Variants in WDTC1 observed in about 807,000 individuals in gnomAD.
WDTC1 encodes the protein WD and tetratricopeptide repeats protein 1.
Under a neutral mutation model 76.0 loss-of-function variants are expected in WDTC1, and 12 were observed. The ratio of observed to expected loss-of-function variants is 0.16; its 90% CI spans 0.10 to 0.26. The LOEUF is 0.26. Ranked by LOEUF, WDTC1 falls within the 10% of genes least tolerant of loss-of-function variation. WDTC1 has a pLI of 1.00. For missense variants in WDTC1, 511 were observed against 908.8 expected (o/e 0.56, Z 5.63); for synonymous variants, 326 against 350.8 (o/e 0.93, Z 0.79).
At chr1:27,234,509 G>T (rs372257713), upstream of WDTC1, 2 of 353,418 alleles carry the variant, frequency 5.7e-6, no homozygotes, top group South Asian at 1.5e-4. Context: ...ACCGGGCGCG[G>T]GGGGGTAAGT....
At chr1:27,292,141 A>C in intron 6 of WDTC1, 74 bp from the exon 7 acceptor site, 2 of 1,395,780 alleles carry the variant, frequency 1.4e-6, no homozygotes, top group Non-Finnish European at 1.9e-6. Flanking sequence ...TTGCATAACA[A>C]GAACTTATCT....
intron 1 of WDTC1, among the ~76,000 whole-genome samples, chr1:27,246,047 CTG>C (rs1455218788): frequency 1.3e-5 from 2 of 152,172 alleles, no homozygotes; most frequent in African/African-American, 4.8e-5. Flanking sequence ...GCAGAATAGA[CTG>C]AGAGAGCAAA....
chr1:27,240,987 A>G (rs1252196061), intron 1 of WDTC1, among the ~76,000 whole-genome samples: 1 of 149,152 alleles, frequency 6.7e-6, no homozygotes, highest in African/African-American at 2.5e-5. Flanking sequence ...AAAAAAAACA[A>G]AAAAACTTTA....
At chr1:27,282,352 T>C in intron 4 of WDTC1, 67 bp downstream of exon 4, 1 of 1,517,148 alleles carries the variant, frequency 6.6e-7, no homozygotes, top group Non-Finnish European at 9.1e-7. Context: ...ACAGCAAGGC[T>C]CCTCCTGAGA....
At chr1:27,296,269 T>A in intron 9 of WDTC1, 57 bp from the exon 10 acceptor site, 1 of 1,605,816 alleles carries the variant, frequency 6.2e-7, no homozygotes, top group Non-Finnish European at 8.5e-7. Context: ...GCTTACTGGT[T>A]CAACCACATC....
intron 3 of WDTC1, among the ~76,000 whole-genome samples, chr1:27,272,512 C>T (rs2012900807): frequency 6.6e-6 from 1 of 152,128 alleles, no homozygotes; most frequent in African/African-American, 2.4e-5. Flanking sequence ...TGTAGCAATT[C>T]CATAACTACT....
intron 1 of WDTC1, among the ~76,000 whole-genome samples, chr1:27,257,743 C>A (rs1446177034): frequency 1.3e-5 from 2 of 152,116 alleles, no homozygotes; most frequent in Non-Finnish European, 2.9e-5. Flanking sequence ...GATGGCAATG[C>A]TGAATGGTTT....
intron 5 of WDTC1, among the ~76,000 whole-genome samples, chr1:27,286,052 C>T (rs2013326273): frequency 8.6e-6 from 1 of 116,920 alleles, no homozygotes. Context: ...GTCACCCATG[C>T]TGGAGTGCAG....
chr1:27,247,712 C>CTTTTTTTTTTTTTTTTTTTTTTT (rs35930144), intron 1 of WDTC1, among the ~76,000 whole-genome samples: 2 of 136,560 alleles, frequency 1.5e-5, no homozygotes, highest in Non-Finnish European at 3.2e-5. Flanking sequence ...CATTTTCTTT[C>CTTTTTTTTTTTTTTTTTTTTTTT]TTTTTTTTTT....
At chr1:27,238,258 G>GGAAC (rs1570931615) in intron 1 of WDTC1, among the ~76,000 whole-genome samples, 3 of 143,198 alleles carry the variant, frequency 2.1e-5, no homozygotes, top group Admixed American at 1.5e-4. Context: ...AGAGCCTGGG[G>GGAAC]GAACATGATA....
intron 5 of WDTC1, among the ~76,000 whole-genome samples, chr1:27,284,939 A>G (rs1335829323): frequency 6.6e-6 from 1 of 151,376 alleles, no homozygotes; most frequent in Non-Finnish European, 1.5e-5. Context: ...TCTGCTGTGC[A>G]TTGAGTGTAT....
rs1341052738 is a variant in WDTC1, at chr1:27,305,213, C to G, written c.1836+20C>G. 1 of 1,609,512 alleles carries G rather than the reference C, an allele frequency of 6.2e-7. No homozygotes were observed. The highest frequency in any genetic ancestry group is 2.2e-5 in the East Asian group (1 of 44,838). ...CCAGAGGTGAGGGTGCAGAGCCAAG[C>G]AGAGAGGAGGGCAGGGACTCTGTGG... On this transcript the variant is annotated intron_variant, in intron 15 of 15. Transcript: ENST00000319394. This position sits in a 1 kb window ranked among gnomAD's most constrained non-coding sequence, Gnocchi z 4.6.
In WDTC1 at chr1:27,301,480, G is replaced by C. The variant is rs11801611; in HGVS notation, c.1468+19G>C. ...GATGGTGGTGAGTGGGCACTGAGGAGGGGGTGCTGTTACTCTTTCTCTTTG... is the reference window on the plus strand; with the variant it reads ...GATGGTGGTGAGTGGGCACTGAGGACGGGGTGCTGTTACTCTTTCTCTTTG... On this transcript the variant is annotated intron_variant, in intron 13 of 15. Coordinates refer to ENST00000319394, the MANE Select transcript of WDTC1 (RefSeq NM_001276252.2). This position sits in a 1 kb window ranked among gnomAD's most constrained non-coding sequence, Gnocchi z 5.8. The C allele has an allele frequency of 3.1e-6, 5 of 1,607,404 alleles. No individual in the cohort carries two copies. The South Asian group carries it at 4.4e-5, about 14-fold the overall frequency.
rs2012216101 is a variant in WDTC1 at position 27,254,678 on chromosome 1, G to A, written c.-99-6278G>A. Reference sequence around the variant, plus strand: ...GACGGAGTTTCGCTCTGTCATCCAGGGTGGAATGCAGTGGCGCAATCTCGG... The same window carrying A: ...GACGGAGTTTCGCTCTGTCATCCAGAGTGGAATGCAGTGGCGCAATCTCGG... On this transcript the variant is annotated intron_variant, in intron 1 of 15. Transcript: ENST00000319394. Among the ~76,000 whole-genome samples, 7 of 152,148 alleles carry A rather than the reference G, an allele frequency of 4.6e-5. No homozygotes were observed. The South Asian group carries it at 1.5e-3, about 32-fold the overall frequency.
chr1:27,265,014 G>A (rs1313881649), intron 3 of WDTC1, among the ~76,000 whole-genome samples: 4 of 152,008 alleles, frequency 2.6e-5, no homozygotes, highest in African/African-American at 9.7e-5. Flanking sequence ...ATGTTGCCCA[G>A]GCTGGTCTCA....
chr1:27,238,516 G>A (rs751217601), intron 1 of WDTC1, among the ~76,000 whole-genome samples: 1 of 151,778 alleles, frequency 6.6e-6, no homozygotes, highest in Non-Finnish European at 1.5e-5. Flanking sequence ...GTCTTACTTC[G>A]TCATCCAGGC....
intron 1 of WDTC1, among the ~76,000 whole-genome samples, 163 bp downstream of exon 1, chr1:27,235,114 G>A (rs2011466700): frequency 6.6e-6 from 1 of 152,062 alleles, no homozygotes; most frequent in African/African-American, 2.4e-5. Flanking sequence ...AGAGGGGCCA[G>A]GCCTCGCCGG....
At chr1:27,251,012 G>A (rs1293115782) in intron 1 of WDTC1, among the ~76,000 whole-genome samples, 9 of 133,436 alleles carry the variant, frequency 6.7e-5, no homozygotes, top group African/African-American at 1.4e-4. Context: ...GATTACTGGC[G>A]TGCACCACTA....
At chr1:27,249,096 C>T (rs2011948478) in intron 1 of WDTC1, among the ~76,000 whole-genome samples, 1 of 152,026 alleles carries the variant, frequency 6.6e-6, no homozygotes, top group African/African-American at 2.4e-5. Flanking sequence ...GGTGAAACCC[C>T]ATCTCTACTA....
Sources: allele counts gnomAD v4.1 joint callset (sites outside exome capture counted in the v4.1 genomes callset), GRCh38; gene constraint gnomAD v4.1.1; non-coding constraint Gnocchi (gnomAD v3.1); transcripts MANE v1.5; gene names NCBI Gene and HGNC (gene_info 2026-07-23, HGNC 2026-07-21).